CTIF: variants seen among roughly 807,000 people sequenced by gnomAD.
CTIF encodes cap binding complex dependent translation initiation factor, also known as CBP80/20-dependent translation initiation factor.
In CTIF, 21 loss-of-function variants were observed where a neutral mutation model predicts 66.0. The ratio of observed to expected loss-of-function variants is 0.32; its 90% CI spans 0.23 to 0.46. The LOEUF is 0.46. Among genes scored for constraint, CTIF ranks in the 20% least tolerant of loss-of-function variants. The probability of loss-of-function intolerance (pLI) is 1.00; values close to 1 mark genes in which losing one functional copy is unlikely to be tolerated. For missense variants in CTIF, 739 were observed against 812.7 expected (o/e 0.91, Z 1.10); for synonymous variants, 345 against 326.4 (o/e 1.06, Z -0.62).
chr18:48,571,615 C>A (rs887403179), intron 1 of CTIF, among the ~76,000 whole-genome samples: 3 of 152,306 alleles, frequency 2.0e-5, no homozygotes, highest in Admixed American at 1.3e-4. Flanking sequence ...CAGTGTCTTC[C>A]ATGCCAGCAC....
chr18:48,730,223 C>T (rs372686880), intron 7 of CTIF, among the ~76,000 whole-genome samples: 31 of 139,348 alleles, frequency 2.2e-4, no homozygotes, highest in Non-Finnish European at 4.2e-4. Context: ...TGTGAGGAGC[C>T]CCCGAAGTGT....
At chr18:48,831,484 C>A (rs145236790) in intron 10 of CTIF, among the ~76,000 whole-genome samples, 2 of 152,338 alleles carry the variant, frequency 1.3e-5, no homozygotes, top group African/African-American at 4.8e-5. Context: ...GCAGGGCCCT[C>A]CTCACTGCCC....
intron 2 of CTIF, among the ~76,000 whole-genome samples, chr18:48,635,327 C>CTTTTTTTTTTT (rs561455888): frequency 2.6e-4 from 30 of 113,374 alleles, no homozygotes; most frequent in Non-Finnish European, 4.1e-4. Flanking sequence ...CTTTTTCTTT[C>CTTTTTTTTTTT]TTTTTTTTTT....
At position 48,588,827 on chromosome 18, in the gene CTIF, G is replaced by C. The variant is rs73956936; in HGVS notation, c.-28-30711G>C. Among the ~76,000 whole-genome samples the C allele has an allele frequency of 3.1e-3, 472 of 152,328 alleles. 1 individual carries two copies. The highest frequency in any genetic ancestry group is 0.011 in the African/African-American group (454 of 41,564). On this transcript the variant is annotated intron_variant, in intron 1 of 11. Coordinates refer to ENST00000256413, the MANE Select transcript of CTIF (RefSeq NM_014772.3). ...CCATCTCAGGAGGGGCCCAATGCAGGCTTGCGCAGCTGAACTGGACTTATC... is the reference window on the plus strand; with the variant it reads ...CCATCTCAGGAGGGGCCCAATGCAGCCTTGCGCAGCTGAACTGGACTTATC...
chr18:48,571,909 T>C (rs1431695778), intron 1 of CTIF, among the ~76,000 whole-genome samples: 7 of 152,210 alleles, frequency 4.6e-5, no homozygotes, highest in Non-Finnish European at 1.5e-5. Flanking sequence ...CTGAGATCTG[T>C]AGGGCAGGCT....
chr18:48,617,868 AG>A (rs34518713), intron 1 of CTIF, among the ~76,000 whole-genome samples: 152,313 of 152,314 alleles, frequency 1, 76,156 homozygotes, highest in Non-Finnish European at 1. Flanking sequence ...TGCTGAGCTC[AG>A]GGGGCCCAGA....
intron 10 of CTIF, among the ~76,000 whole-genome samples, chr18:48,847,196 T>A (rs1272497235): frequency 7.3e-5 from 11 of 149,950 alleles, no homozygotes. Flanking sequence ...TAGTCCCAGC[T>A]CCTCAGGAGG....
At chr18:48,554,900 C>G (rs927573461) in intron 1 of CTIF, among the ~76,000 whole-genome samples, 5 of 152,222 alleles carry the variant, frequency 3.3e-5, no homozygotes, top group Non-Finnish European at 7.3e-5. Flanking sequence ...TATCTTAGAC[C>G]AAGGTGTGCC....
chr18:48,771,850 G>A (rs1362582317), intron 9 of CTIF, among the ~76,000 whole-genome samples: 4 of 152,372 alleles, frequency 2.6e-5, no homozygotes, highest in Admixed American at 2.6e-4. Flanking sequence ...TATGCTAAGC[G>A]GCTCCAGATC....
intron 1 of CTIF, among the ~76,000 whole-genome samples, chr18:48,603,723 G>T (rs1160816169): frequency 6.6e-6 from 1 of 152,090 alleles, no homozygotes; most frequent in Non-Finnish European, 1.5e-5. Flanking sequence ...TAGATGGGTG[G>T]CTGGCTTGCT....
intron 1 of CTIF, among the ~76,000 whole-genome samples, chr18:48,593,463 C>T (rs2089929914): frequency 6.6e-6 from 1 of 151,350 alleles, no homozygotes; most frequent in East Asian, 2.0e-4. Flanking sequence ...TCACTGCAAG[C>T]TCTGCCTCCC....
intron 3 of CTIF, among the ~76,000 whole-genome samples, chr18:48,646,052 A>C (rs996244962): frequency 6.6e-6 from 1 of 152,218 alleles, no homozygotes; most frequent in Non-Finnish European, 1.5e-5. Context: ...GGATGTTAAC[A>C]CTGAGATGCT....
chr18:48,605,583 T>C (rs1009168925), intron 1 of CTIF, among the ~76,000 whole-genome samples: 1 of 152,202 alleles, frequency 6.6e-6, no homozygotes, highest in Non-Finnish European at 1.5e-5. Flanking sequence ...ACAGAAATAA[T>C]GGGAAGTAGA....
chr18:48,610,665 A>G (rs2090292114), intron 1 of CTIF, among the ~76,000 whole-genome samples: 1 of 152,202 alleles, frequency 6.6e-6, no homozygotes. Flanking sequence ...CTGAGCAGGA[A>G]AGAATCCATG....
At chr18:48,728,727 G>GGAGGGGGAGAGTGAGAGAGA (rs2092408867) in intron 7 of CTIF, among the ~76,000 whole-genome samples, 1 of 146,082 alleles carries the variant, frequency 6.8e-6, no homozygotes, top group African/African-American at 2.8e-5. Flanking sequence ...TGTGAAGGAG[G>GGAGGGGGAGAGTGAGAGAGA]GAGGGGGAGA....
At chr18:48,618,379 G>A (rs1291408032) in intron 1 of CTIF, among the ~76,000 whole-genome samples, 2 of 152,212 alleles carry the variant, frequency 1.3e-5, no homozygotes, top group Admixed American at 6.5e-5. Flanking sequence ...TGTGGTAGTG[G>A]TTTGGTAGAA....
intron 7 of CTIF, among the ~76,000 whole-genome samples, chr18:48,730,981 G>A (rs1419303644): frequency 2.6e-5 from 4 of 152,170 alleles, no homozygotes. Context: ...CAGAGAGGCA[G>A]GCATGGGGCA....
chr18:48,857,653 G>C lies in CTIF; in HGVS notation c.1581+12G>C. 6.2e-7 allele frequency: 1 copy of C among 1,600,298 alleles called. No individual in the cohort carries two copies. On this transcript the variant is annotated intron_variant, in intron 11 of 11. Coordinates refer to ENST00000256413, the MANE Select transcript of CTIF (RefSeq NM_014772.3). The stretch of plus-strand genomic sequence containing the variant: ...GCTGCTCTATGGAGGTAAGCTTTGG[G>C]GCTTCGACATCCCCAACCTCAAAGC...
At chr18:48,742,990 A>G (rs1480456572) in intron 7 of CTIF, among the ~76,000 whole-genome samples, 4 of 152,234 alleles carry the variant, frequency 2.6e-5, no homozygotes, top group Admixed American at 1.3e-4. Flanking sequence ...CACATTTTAA[A>G]TTATTTTTAT....
Sources: allele counts gnomAD v4.1 joint callset (sites outside exome capture counted in the v4.1 genomes callset), GRCh38; gene constraint gnomAD v4.1.1; transcripts MANE v1.5; gene names NCBI Gene and HGNC (gene_info 2026-07-23, HGNC 2026-07-21).